PRKN: variants seen among roughly 807,000 people sequenced by gnomAD.
PRKN encodes parkin RBR E3 ubiquitin protein ligase.
Under a neutral mutation model 59.5 loss-of-function variants are expected in PRKN, and 56 were observed. The ratio of observed to expected loss-of-function variants is 0.94; its 90% CI spans 0.76 to 1.18. The LOEUF (loss-of-function observed/expected upper bound fraction) is 1.18, where lower values mean the gene tolerates loss of function less well. PRKN is among the 50% of genes most tolerant of loss of function. The pLI is 0.00. For synonymous variants in PRKN, 250 were observed against 222.1 expected (o/e 1.13, Z -1.12); for missense variants, 657 against 596.4 (o/e 1.10, Z -1.06).
intron 7 of PRKN, among the ~76,000 whole-genome samples, chr6:161,763,116 T>C (rs548183246): frequency 2.0e-5 from 3 of 152,312 alleles, no homozygotes; most frequent in Non-Finnish European, 2.9e-5. Context: ...AGAAAACTTA[T>C]GTGTCATTCA....
At chr6:161,859,610 CAAAA>C (rs57747027) in intron 6 of PRKN, among the ~76,000 whole-genome samples, 12 of 90,356 alleles carry the variant, frequency 1.3e-4, no homozygotes, top group African/African-American at 4.1e-4. Flanking sequence ...GACTCTCTCT[CAAAA>C]AAAAAAAAAA....
intron 9 of PRKN, among the ~76,000 whole-genome samples, chr6:161,519,306 C>T (rs1218009556): frequency 6.6e-6 from 1 of 152,140 alleles, no homozygotes; most frequent in African/African-American, 2.4e-5. Flanking sequence ...CCTTCCTCAT[C>T]TAGTCGAAAA....
Position 161,910,854 on chromosome 6 carries a change from T to C in PRKN, c.734+62448A>G, listed in dbSNP as rs547781379. On this transcript the variant is annotated intron_variant, in intron 6 of 11. Coordinates refer to ENST00000366898, the MANE Select transcript of PRKN (RefSeq NM_004562.3). Reference sequence around the variant, plus strand: ...GCAAAACCCTCTACCAGCAAAAAGATTATGACTTGCTGAAGGCTCAGATGA... The same window carrying C: ...GCAAAACCCTCTACCAGCAAAAAGACTATGACTTGCTGAAGGCTCAGATGA... Among the ~76,000 whole-genome samples the C allele has an allele frequency of 2.6e-5, 4 of 152,282 alleles. No homozygotes were observed. The South Asian group carries it at 8.3e-4, about 32-fold the overall frequency.
In PRKN at chr6:162,400,535, C is replaced by T. The variant is rs563271336; in HGVS notation, c.171+42775G>A. Among the ~76,000 whole-genome samples, 331 of 142,854 alleles carry T rather than the reference C, an allele frequency of 2.3e-3. 1 individual carries two copies. Among genetic ancestry groups the T allele is most frequent in the African/African-American group, 7.4e-3 (288 of 38,780 alleles). 93.7% of individuals were successfully genotyped at this position (142,854 alleles called of 152,430 possible). A position where few individuals can be genotyped will look rare whatever the true frequency, so the allele number is the denominator to read the frequency against. Reference sequence around the variant, plus strand: ...AAAGAGTGTTCCAAGAAAAGTAATACAGCATGTTGAATATTGTTCTCAAAA... The same window carrying T: ...AAAGAGTGTTCCAAGAAAAGTAATATAGCATGTTGAATATTGTTCTCAAAA... On this transcript the variant is annotated intron_variant, in intron 2 of 11. Coordinates refer to ENST00000366898, the MANE Select transcript of PRKN (RefSeq NM_004562.3).
chr6:161,678,123 C>T (rs1182793827), intron 7 of PRKN, among the ~76,000 whole-genome samples: 1 of 149,590 alleles, frequency 6.7e-6, no homozygotes, highest in African/African-American at 2.5e-5. Context: ...AATACTCTTA[C>T]TCTTTAAAGT....
intron 4 of PRKN, among the ~76,000 whole-genome samples, chr6:162,105,178 G>A (rs1780140085): frequency 6.6e-6 from 1 of 152,118 alleles, no homozygotes; most frequent in Admixed American, 6.6e-5. Context: ...AATCTGAGAG[G>A]TTTTACAAGA....
intron 2 of PRKN, among the ~76,000 whole-genome samples, chr6:162,387,549 CACACACAGAGAG>C (rs1303549324): frequency 3.1e-4 from 23 of 75,380 alleles, no homozygotes; most frequent in African/African-American, 1.4e-3. Context: ...CACACACACA[CACACACAGAGAG>C]AGAGAGAGAG....
intron 4 of PRKN, among the ~76,000 whole-genome samples, chr6:162,121,803 G>T (rs1780926943): frequency 6.6e-6 from 1 of 152,116 alleles, no homozygotes; most frequent in Admixed American, 6.5e-5. Context: ...CTAGGAGAGA[G>T]AATTTTGACC....
rs78015282 is a variant in PRKN at position 161,760,153 on chromosome 6, C to A, written c.871+25619G>T. Among the ~76,000 whole-genome samples the A allele has an allele frequency of 4.9e-3, 671 of 137,388 alleles. 6 individuals carry two copies. The highest frequency in any genetic ancestry group is 0.018 in the African/African-American group (647 of 36,874). The allele number at this position is 137,388 out of a possible 152,430, so 90.1% of individuals were successfully genotyped here. A position where few individuals can be genotyped will look rare whatever the true frequency, so the allele number is the denominator to read the frequency against. On this transcript the variant is annotated intron_variant, in intron 7 of 11. Coordinates refer to ENST00000366898, the MANE Select transcript of PRKN (RefSeq NM_004562.3). ...TTTATATCGTCCACTTTATGAATAC[C>A]CTTTTCCTCAATTTAATTAGTTAGT...
chr6:162,051,205 T>C (rs953749836), intron 5 of PRKN, among the ~76,000 whole-genome samples: 1 of 152,126 alleles, frequency 6.6e-6, no homozygotes, highest in African/African-American at 2.4e-5. Flanking sequence ...AAGGGATTTG[T>C]TGGGGAAGCC....
At chr6:162,628,879 C>A (rs1782997926) in intron 1 of PRKN, among the ~76,000 whole-genome samples, 2 of 152,186 alleles carry the variant, frequency 1.3e-5, no homozygotes, top group East Asian at 3.9e-4. Context: ...TAGAGTTTAA[C>A]CTTAACCCAG....
At chr6:161,510,449 A>G (rs1389977995) in intron 9 of PRKN, among the ~76,000 whole-genome samples, 1 of 152,196 alleles carries the variant, frequency 6.6e-6, no homozygotes, top group Non-Finnish European at 1.5e-5. Flanking sequence ...AGATCCCCAC[A>G]TCAAGTTGTT....
chr6:162,675,263 T>C (rs1184378519), intron 1 of PRKN, among the ~76,000 whole-genome samples: 7 of 152,028 alleles, frequency 4.6e-5, no homozygotes, highest in Non-Finnish European at 5.9e-5. Flanking sequence ...TTGGCCAGAA[T>C]GGTCTCGATC....
intron 7 of PRKN, among the ~76,000 whole-genome samples, chr6:161,604,067 G>C (rs867853942): frequency 6.6e-6 from 1 of 152,194 alleles, no homozygotes; most frequent in African/African-American, 2.4e-5. Flanking sequence ...AGAACTGTGA[G>C]CAATAAAATT....
At chr6:162,434,468 G>A (rs753450463) in intron 2 of PRKN, among the ~76,000 whole-genome samples, 1 of 151,832 alleles carries the variant, frequency 6.6e-6, no homozygotes, top group African/African-American at 2.4e-5. Context: ...CTGCTAAATT[G>A]TTTATGATAA....
chr6:161,558,952 G>A (rs1780347256), intron 8 of PRKN, among the ~76,000 whole-genome samples: 1 of 148,870 alleles, frequency 6.7e-6, no homozygotes, highest in Non-Finnish European at 1.5e-5. Flanking sequence ...CTGATGAAGT[G>A]AATTGGCTAG....
intron 6 of PRKN, among the ~76,000 whole-genome samples, chr6:161,914,347 G>GCACATGTATATTA (rs1210645215): frequency 6.6e-6 from 1 of 151,954 alleles, no homozygotes; most frequent in Non-Finnish European, 1.5e-5. Context: ...AAAGATATAG[G>GCACATGTATATTA]CACATGTATA....
At chr6:161,838,557 A>G (rs1792854851) in intron 6 of PRKN, among the ~76,000 whole-genome samples, 1 of 152,244 alleles carries the variant, frequency 6.6e-6, no homozygotes, top group Non-Finnish European at 1.5e-5. Flanking sequence ...AAAAGTGTTC[A>G]GGCCTCAGCC....
intron 6 of PRKN, among the ~76,000 whole-genome samples, chr6:161,963,950 T>A (rs1361853826): frequency 6.6e-6 from 1 of 150,862 alleles, no homozygotes; most frequent in Admixed American, 6.6e-5. Context: ...CTCTTACTGG[T>A]TTTTAAAGAC....
Sources: gnomAD v4.1 joint callset for allele counts (sites outside exome capture counted in the v4.1 genomes callset) on GRCh38, gnomAD v4.1.1 for gene constraint, MANE v1.5 for transcripts, NCBI Gene and HGNC (gene_info 2026-07-23, HGNC 2026-07-21) for gene names.